Variants in LRRIQ1 observed in about 807,000 individuals in gnomAD.
LRRIQ1 encodes the protein leucine rich repeats and IQ motif containing 1, also known as leucine-rich repeat- and IQ domain-containing protein 1.
In LRRIQ1, 210 loss-of-function variants were observed where a neutral mutation model predicts 211.9. The ratio of observed to expected loss-of-function variants is 0.99; its 90% CI spans 0.89 to 1.11. The LOEUF (loss-of-function observed/expected upper bound fraction) is 1.11, where lower values mean the gene tolerates loss of function less well. Among genes scored for constraint, LRRIQ1 ranks in the 50% most tolerant of loss-of-function variants. LRRIQ1 has a pLI of 0.00. For missense variants in LRRIQ1, 2,136 were observed against 1,939.5 expected, an observed-to-expected ratio of 1.10 and a Z score of -1.90; for synonymous variants, 699 against 650.1, an observed-to-expected ratio of 1.08 and a Z score of -1.14.
chr12:85,268,112 AGGAAATATTTCCATGAAATGATG>A (rs879565593), downstream of LRRIQ1, among the ~76,000 whole-genome samples: 134 of 152,100 alleles, frequency 8.8e-4, 1 homozygote, highest in Admixed American at 2.6e-3. Context: ...TACCATATTT[AGGAAATATTTCCATGAAATGATG>A]GGAAATATTT....
intron 24 of LRRIQ1, among the ~76,000 whole-genome samples, chr12:85,210,340 T>C (rs182048911): frequency 1.3e-5 from 2 of 152,308 alleles, no homozygotes; most frequent in African/African-American, 4.8e-5. Context: ...TTGCCAATGC[T>C]TACGGAAAAA....
chr12:85,043,195 A>G (rs963680267), intron 3 of LRRIQ1, among the ~76,000 whole-genome samples: 2 of 152,004 alleles, frequency 1.3e-5, no homozygotes, highest in Admixed American at 6.6e-5. Flanking sequence ...ATTTATTACT[A>G]TATCTTTTGG....
At chr12:85,233,995 C>G (rs1444835339) in intron 26 of LRRIQ1, among the ~76,000 whole-genome samples, 1 of 152,024 alleles carries the variant, frequency 6.6e-6, no homozygotes, top group Admixed American at 6.6e-5. Context: ...CTTTTGGAGG[C>G]TGAGGCAGAC....
At chr12:85,136,198 A>G (rs1312732033) in intron 18 of LRRIQ1, among the ~76,000 whole-genome samples, 2 of 151,560 alleles carry the variant, frequency 1.3e-5, no homozygotes, top group Non-Finnish European at 2.9e-5. Flanking sequence ...GTGCACACAC[A>G]TACGTATACA....
chr12:85,251,145 G>T (rs1184749968), intron 1 of LRRIQ1, among the ~76,000 whole-genome samples: 2 of 149,644 alleles, frequency 1.3e-5, no homozygotes, highest in African/African-American at 4.9e-5. Flanking sequence ...GAGATTTGCA[G>T]CTTGGACCAC....
intron 6 of LRRIQ1, among the ~76,000 whole-genome samples, chr12:85,051,817 A>G (rs1003028554): frequency 6.6e-6 from 1 of 152,206 alleles, no homozygotes; most frequent in African/African-American, 2.4e-5. Flanking sequence ...ATTAAATGGT[A>G]TGACATGGTG....
Position 85,098,861 on chromosome 12 carries a change from A to C in LRRIQ1, c.3082-6A>C, listed in dbSNP as rs770082840. On this transcript the variant is annotated splice_region_variant and splice_polypyrimidine_tract_variant and intron_variant, in intron 12 of 26. Transcript: ENST00000393217. ...ATATAAACTAATGAACCAAATTTAA[A>C]TATAGCTTCCATCCTTGGAGAATCT... The C allele has an allele frequency of 6.5e-7, 1 of 1,541,614 alleles. No homozygotes were observed. Among genetic ancestry groups the C allele is most frequent in the South Asian group, 1.3e-5 (1 of 79,062 alleles).
chr12:85,108,263 A>G (rs1482930012), intron 15 of LRRIQ1, among the ~76,000 whole-genome samples: 4 of 152,136 alleles, frequency 2.6e-5, no homozygotes, highest in African/African-American at 9.7e-5. Context: ...AAATCGTTGG[A>G]GTAATGCTAA....
intron 18 of LRRIQ1, among the ~76,000 whole-genome samples, chr12:85,132,828 GA>G (rs1888866306): frequency 6.6e-6 from 1 of 151,604 alleles, no homozygotes; most frequent in Non-Finnish European, 1.5e-5. Context: ...ATACCAAAAT[GA>G]AAGAGGTAAA....
chr12:85,247,233 C>T (rs1895753466), downstream of LRRIQ1, among the ~76,000 whole-genome samples: 1 of 151,568 alleles, frequency 6.6e-6, no homozygotes, highest in Non-Finnish European at 1.5e-5. Flanking sequence ...CCCTAGGCCT[C>T]CATGGCCCTG....
intron 24 of LRRIQ1, among the ~76,000 whole-genome samples, chr12:85,178,579 C>A (rs919445633): frequency 6.6e-6 from 1 of 151,858 alleles, no homozygotes; most frequent in African/African-American, 2.4e-5. Flanking sequence ...ATTCAGAAAC[C>A]TCTTTTCTAT....
At chr12:85,141,064 G>T (rs1291898545) in intron 19 of LRRIQ1, among the ~76,000 whole-genome samples, 1 of 150,864 alleles carries the variant, frequency 6.6e-6, no homozygotes, top group Non-Finnish European at 1.5e-5. Flanking sequence ...TTTTAGTATC[G>T]TATTATGTTG....
chr12:85,050,747 G>GA (rs1415433266), intron 6 of LRRIQ1, among the ~76,000 whole-genome samples: 2 of 152,158 alleles, frequency 1.3e-5, no homozygotes, highest in African/African-American at 4.8e-5. Context: ...AGCACTGTCA[G>GA]ACAACTATTT....
At chr12:85,249,220 G>T (rs1565928091), downstream of LRRIQ1, among the ~76,000 whole-genome samples, 1 of 151,744 alleles carries the variant, frequency 6.6e-6, no homozygotes, top group South Asian at 2.1e-4. Context: ...TCTAAGGATA[G>T]TACCTAAAGC....
At chr12:85,088,458 A>C (rs989359238) in intron 11 of LRRIQ1, among the ~76,000 whole-genome samples, 2 of 152,154 alleles carry the variant, frequency 1.3e-5, no homozygotes, top group African/African-American at 4.8e-5. Context: ...TGAACTTTAA[A>C]GTAGTTTTTT....
intron 1 of LRRIQ1, among the ~76,000 whole-genome samples, chr12:85,036,737 T>C (rs1878142158): frequency 6.8e-6 from 1 of 146,778 alleles, no homozygotes; most frequent in South Asian, 2.2e-4. Context: ...TTTTTCTGTC[T>C]CTCTTTCTTT....
At chr12:85,112,788 C>T (rs529677585) in intron 15 of LRRIQ1, among the ~76,000 whole-genome samples, 2 of 152,106 alleles carry the variant, frequency 1.3e-5, no homozygotes, top group African/African-American at 4.8e-5. Context: ...ATACTCTTCC[C>T]CTCTCATTCT....
chr12:85,191,042 G>T (rs1267104884), intron 24 of LRRIQ1, among the ~76,000 whole-genome samples: 1 of 151,892 alleles, frequency 6.6e-6, no homozygotes, highest in Admixed American at 6.6e-5. Flanking sequence ...CTATATTTTA[G>T]TATAGTTTAT....
At chr12:85,103,063 A>G (rs1260011992) in intron 13 of LRRIQ1, among the ~76,000 whole-genome samples, 2 of 148,656 alleles carry the variant, frequency 1.3e-5, no homozygotes, top group East Asian at 3.9e-4. Flanking sequence ...GCTACAGGTA[A>G]TGTGATATTA....
Sources: gnomAD v4.1 joint callset for allele counts (sites outside exome capture counted in the v4.1 genomes callset) on GRCh38, gnomAD v4.1.1 for gene constraint, MANE v1.5 for transcripts, NCBI Gene and HGNC (gene_info 2026-07-23, HGNC 2026-07-21) for gene names.